Variants in TLE5 observed in about 807,000 individuals in gnomAD.
TLE5 encodes the protein TLE family member 5.
In TLE5, 7 loss-of-function variants were observed where a neutral mutation model predicts 25.8. The observed-to-expected ratio is 0.27, with a 90% confidence interval of 0.15 to 0.51. TLE5 has a LOEUF of 0.51. TLE5 is among the 20% of genes least tolerant of loss of function. TLE5 has a pLI of 0.97. For missense variants in TLE5, 149 were observed against 250.7 expected, an observed-to-expected ratio of 0.59 and a Z score of 2.74; for synonymous variants, 132 against 110.5, an observed-to-expected ratio of 1.20 and a Z score of -1.22.
chr19:3,059,141 A>G (rs1256469147), intron 2 of TLE5, among the ~76,000 whole-genome samples: 1 of 152,096 alleles, frequency 6.6e-6, no homozygotes, highest in African/African-American at 2.4e-5. Flanking sequence ...GTGCCGGGTT[A>G]GGGATGCTTT....
In TLE5 at chr19:3,053,704, T is replaced by G; in HGVS notation, c.*115A>C. On this transcript the variant is annotated 3_prime_UTR_variant, in exon 7 of 7. Transcript: ENST00000327141. ...CCCCGCCGGCGGCCACCATAAATAC[T>G]ATGGGAGTTTAGCCAATCCCGAGCT... 8.1e-7 allele frequency: 1 copy of G among 1,235,640 alleles called. No homozygotes were observed. Among genetic ancestry groups the G allele is most frequent in the Non-Finnish European group, 1.1e-6 (1 of 897,264 alleles). 76.5% of individuals were successfully genotyped at this position (1,235,640 alleles called of 1,614,324 possible).
At position 3,057,339 on chromosome 19, in the gene TLE5, G is replaced by A. The variant is rs143408488; in HGVS notation, c.189+340C>T. The stretch of plus-strand genomic sequence containing the variant: ...GACGCTGGGACCTTGGCGGTGGGGA[G>A]GGACTCGGCTGCTCCCCCACGTCAG... On this transcript the variant is annotated intron_variant, in intron 3 of 6. Transcript: ENST00000327141. The A allele has an allele frequency of 5.2e-3, 1,788 of 341,706 alleles. 32 individuals are homozygous for A. The highest frequency in any genetic ancestry group is 0.036 in the African/African-American group (1,691 of 47,234). The allele number at this position is 341,706 out of a possible 1,614,324, so 21.2% of individuals were successfully genotyped here.
intron 1 of TLE5, 126 bp from the exon 2 acceptor site, chr19:3,061,383 T>G: frequency 1.5e-6 from 1 of 652,172 alleles, no homozygotes; most frequent in Non-Finnish European, 2.6e-6. Context: ...GGGCCCGTGT[T>G]TACGGCCCCT....
At chr19:3,058,166 C>T (rs1448596680) in intron 2 of TLE5, among the ~76,000 whole-genome samples, 1 of 152,036 alleles carries the variant, frequency 6.6e-6, no homozygotes, top group Admixed American at 6.6e-5. Flanking sequence ...ATGAAACCAC[C>T]CTTGCAGATC....
chr19:3,054,298 C>G, intron 5 of TLE5, 104 bp from the exon 6 acceptor site: 4 of 1,085,914 alleles, frequency 3.7e-6, no homozygotes, highest in Non-Finnish European at 4.1e-6. Flanking sequence ...ACCAAGTGGG[C>G]CATCATGTCT....
chr19:3,062,777 C>G, upstream of TLE5: 1 of 1,549,304 alleles, frequency 6.5e-7, no homozygotes, highest in Non-Finnish European at 8.7e-7. Context: ...GCCGCCGGCC[C>G]TGCTGTGGCA....
chr19:3,057,425 G>A (rs1209396717), intron 3 of TLE5: 1 of 517,644 alleles, frequency 1.9e-6, no homozygotes, highest in Non-Finnish European at 3.5e-6. Context: ...CCGCTGCCAA[G>A]GACAGCCGGG....
upstream of TLE5, chr19:3,062,622 C>CCGTG: frequency 8.7e-7 from 1 of 1,150,362 alleles, no homozygotes; most frequent in Non-Finnish European, 1.1e-6. Context: ...GCCCGCCTCC[C>CCGTG]CGTGGCCCGC....
chr19:3,062,683 C>T, upstream of TLE5: 3 of 1,439,748 alleles, frequency 2.1e-6, no homozygotes, highest in East Asian at 2.8e-5. Context: ...GCAGCGGCCC[C>T]CGCCACCCTC....
intron 2 of TLE5, among the ~76,000 whole-genome samples, chr19:3,059,523 A>AAAAAT (rs1451827351): frequency 2.0e-5 from 3 of 152,202 alleles, no homozygotes; most frequent in Non-Finnish European, 4.4e-5. Flanking sequence ...TCCGTCTCAA[A>AAAAAT]AAAATAAAAT....
intron 3 of TLE5, chr19:3,057,469 T>G: frequency 1.4e-5 from 8 of 560,764 alleles, no homozygotes; most frequent in Non-Finnish European, 1.3e-5. Flanking sequence ...ACCCGGCGGT[T>G]TGGCACCTCG....
intron 1 of TLE5, among the ~76,000 whole-genome samples, chr19:3,061,908 G>C (rs939491483): frequency 7.6e-6 from 1 of 131,596 alleles, no homozygotes; most frequent in Admixed American, 7.5e-5. Flanking sequence ...GCGCCAAGCC[G>C]GGAGCTGCGG....
chr19:3,060,587 C>T (rs2090258041), intron 2 of TLE5, among the ~76,000 whole-genome samples: 1 of 152,134 alleles, frequency 6.6e-6, no homozygotes, highest in Non-Finnish European at 1.5e-5. Context: ...CTTCCTCGGC[C>T]TCCCAAAGTG....
At position 3,053,948 on chromosome 19, in the gene TLE5, C is replaced by T. The variant is rs146384034; in HGVS notation, c.465G>A (p.Pro155=). 98 of 1,611,966 alleles carry T rather than the reference C, an allele frequency of 6.1e-5. No individual in the cohort carries two copies. In the African/African-American group the frequency reaches 8.0e-4, roughly 13 times the overall value. ...GGAGGCCGGTGCCTGCGCTGACCGC[C>T]GGCAGCGAAGGCGGCTGCAGCCCCA... is the stretch of plus-strand genomic sequence containing the variant. ...LPVGLQPPSL[P]AVSAGTGLLS... is the part of the protein sequence containing the mutation. The change falls in exon 7 of 7, where the codon CCG becomes CCA. Residue 155 remains proline (P), a synonymous_variant. Transcript: ENST00000327141.
intron 4 of TLE5, 31 bp downstream of exon 4, chr19:3,056,281 G>A (rs1771486335): frequency 2.7e-6 from 4 of 1,468,394 alleles, no homozygotes; most frequent in Admixed American, 2.2e-5. Context: ...GAAGGAGGAG[G>A]AGGAGGAGGA....
At chr19:3,055,760 G>C (rs778552373) in intron 4 of TLE5, 34 bp from the exon 5 acceptor site, 1 of 1,575,334 alleles carries the variant, frequency 6.3e-7, no homozygotes, top group Non-Finnish European at 8.6e-7. Flanking sequence ...CTTCAGTCCT[G>C]GGCGGGTGGC....
chr19:3,057,566 C>T (rs571802028), intron 3 of TLE5, 113 bp downstream of exon 3: 24 of 1,025,412 alleles, frequency 2.3e-5, no homozygotes, highest in Middle Eastern at 4.1e-4. Flanking sequence ...CCGATCCTCG[C>T]GCTTCCCAGG....
At chr19:3,057,558 G>C (rs527279876) in intron 3 of TLE5, 121 bp downstream of exon 3, 3 of 946,468 alleles carry the variant, frequency 3.2e-6, no homozygotes, top group Non-Finnish European at 5.0e-6. Context: ...AACAGGCCCC[G>C]ATCCTCGCGC....
upstream of TLE5, chr19:3,062,886 G>A (rs538787280): frequency 2.0e-5 from 26 of 1,329,924 alleles, no homozygotes; most frequent in African/African-American, 2.9e-5. Flanking sequence ...GAAAGGCAGC[G>A]GTAATGCCGC....
Sources: allele counts gnomAD v4.1 joint callset (sites outside exome capture counted in the v4.1 genomes callset), GRCh38; gene constraint gnomAD v4.1.1; transcripts MANE v1.5; gene names NCBI Gene and HGNC (gene_info 2026-07-23, HGNC 2026-07-21).